ASB3: variants seen among roughly 807,000 people sequenced by gnomAD.
ASB3 encodes ankyrin repeat and SOCS box protein 3.
A neutral mutation model predicts 54.5 loss-of-function variants in ASB3; 41 were observed. That is an observed-to-expected ratio of 0.75 (90% confidence interval 0.59 to 0.98). The LOEUF (loss-of-function observed/expected upper bound fraction) is 0.98. ASB3 is among the 50% of genes least tolerant of loss of function. The pLI is 0.00. For synonymous variants in ASB3, 266 were observed against 221.2 expected, an observed-to-expected ratio of 1.20 and a Z score of -1.80; for missense variants, 733 against 620.0, an observed-to-expected ratio of 1.18 and a Z score of -1.94.
chr2:53,682,877 G>A (rs1466225810), intron 9 of ASB3, among the ~76,000 whole-genome samples: 3 of 152,166 alleles, frequency 2.0e-5, no homozygotes, highest in Non-Finnish European at 4.4e-5. Flanking sequence ...GGTTTTTGGT[G>A]GAGTCTTTAG....
intron 3 of ASB3, among the ~76,000 whole-genome samples, chr2:53,737,746 A>G (rs1671723372): frequency 6.7e-6 from 1 of 149,116 alleles, no homozygotes; most frequent in East Asian, 1.9e-4. Flanking sequence ...AAAAAAAAAG[A>G]CTGCCACAAA....
intron 3 of ASB3, among the ~76,000 whole-genome samples, chr2:53,734,290 A>G (rs1671492170): frequency 6.6e-6 from 1 of 152,100 alleles, no homozygotes; most frequent in Non-Finnish European, 1.5e-5. Context: ...TTCCTTCTCT[A>G]CTGGGCTCCA....
intron 7 of ASB3, among the ~76,000 whole-genome samples, chr2:53,711,866 C>T (rs566033732): frequency 2.0e-5 from 3 of 151,622 alleles, no homozygotes; most frequent in South Asian, 4.2e-4. Flanking sequence ...TGCTTTTGTT[C>T]CTTTGAGAGT....
intron 3 of ASB3, among the ~76,000 whole-genome samples, chr2:53,750,214 A>G (rs1440860850): frequency 6.6e-6 from 1 of 152,154 alleles, no homozygotes; most frequent in East Asian, 1.9e-4. Flanking sequence ...GAAGACAAAT[A>G]GAATCGAATA....
intron 7 of ASB3, among the ~76,000 whole-genome samples, chr2:53,711,077 G>A (rs1277658785): frequency 6.6e-6 from 1 of 152,298 alleles, no homozygotes; most frequent in Non-Finnish European, 1.5e-5. Flanking sequence ...GCTGCAGTGA[G>A]TCATGATCAT....
At chr2:53,694,037 T>C in intron 8 of ASB3, 23 bp from the exon 9 acceptor site, 1 of 1,610,322 alleles carries the variant, frequency 6.2e-7, no homozygotes, top group African/African-American at 1.3e-5. Flanking sequence ...GATGTTAATA[T>C]AATATTAGAA....
chr2:53,781,117 C>CA (rs1674619041), intron 1 of ASB3, among the ~76,000 whole-genome samples: 1 of 151,822 alleles, frequency 6.6e-6, no homozygotes, highest in Admixed American at 6.6e-5. Flanking sequence ...TTAAAAAGAA[C>CA]AAAAAAGGAA....
intron 2 of ASB3, 88 bp downstream of exon 2, chr2:53,765,289 C>G (rs1673375961): frequency 6.5e-7 from 1 of 1,528,018 alleles, no homozygotes; most frequent in African/African-American, 1.4e-5. Flanking sequence ...GAAACAAATA[C>G]TACTGTTAAT....
intron 3 of ASB3, chr2:53,748,185 T>A (rs1182599972): frequency 1.3e-5 from 2 of 152,240 alleles, no homozygotes; most frequent in African/African-American, 4.8e-5. Flanking sequence ...TAAATGTTAT[T>A]GTTACTGTTA....
chr2:53,779,817 T>C (rs1029949012), intron 1 of ASB3, among the ~76,000 whole-genome samples: 1 of 152,240 alleles, frequency 6.6e-6, no homozygotes, highest in Non-Finnish European at 1.5e-5. Flanking sequence ...AAGAGCTCCC[T>C]GAACTACTTC....
At chr2:53,754,289 A>G (rs1018243964) in intron 2 of ASB3, among the ~76,000 whole-genome samples, 8 of 152,200 alleles carry the variant, frequency 5.3e-5, no homozygotes, top group African/African-American at 1.9e-4. Context: ...TCCCATGTAG[A>G]AGAATTCCAA....
At chr2:53,726,449 C>T (rs1019281781) in intron 5 of ASB3, among the ~76,000 whole-genome samples, 2 of 151,032 alleles carry the variant, frequency 1.3e-5, no homozygotes, top group African/African-American at 2.4e-5. Flanking sequence ...TTAATAGAGA[C>T]GGGGTTTCAC....
intron 1 of ASB3, among the ~76,000 whole-genome samples, chr2:53,781,223 C>T (rs1247950182): frequency 6.6e-6 from 1 of 151,940 alleles, no homozygotes; most frequent in South Asian, 2.1e-4. Flanking sequence ...GCCTGGGCAA[C>T]ATGGCAAAAC....
intron 3 of ASB3, among the ~76,000 whole-genome samples, chr2:53,735,510 C>T (rs1430660691): frequency 7.2e-6 from 1 of 138,444 alleles, no homozygotes; most frequent in African/African-American, 2.7e-5. Flanking sequence ...AAGTAGAATA[C>T]ACCATGTTCA....
chr2:53,708,901 A>T (rs1289483622), intron 7 of ASB3, among the ~76,000 whole-genome samples: 1 of 152,226 alleles, frequency 6.6e-6, no homozygotes, highest in East Asian at 1.9e-4. Flanking sequence ...CAAAGACAGG[A>T]CCTAATGTTG....
intron 6 of ASB3, 23 bp from the exon 7 acceptor site, chr2:53,714,604 G>T: frequency 6.2e-7 from 1 of 1,611,022 alleles, no homozygotes; most frequent in Non-Finnish European, 8.5e-7. Flanking sequence ...AAATTCAGGA[G>T]AATTTAGTGT....
In ASB3 at chr2:53,751,060, C is replaced by T. The variant is rs914516420; in HGVS notation, c.197-119G>A. 27 of 1,184,964 alleles carry T rather than the reference C, an allele frequency of 2.3e-5. No individual in the cohort carries two copies. In the Admixed American group the frequency reaches 9.5e-4, roughly 42 times the overall value. The allele number at this position is 1,184,964 out of a possible 1,614,324, so 73.4% of individuals were successfully genotyped here. ...TAAAATGTAAGTAATGTATAAATGACAGGTTTCACCATTTAAAACTATAGA... is the reference window on the plus strand; with the variant it reads ...TAAAATGTAAGTAATGTATAAATGATAGGTTTCACCATTTAAAACTATAGA... On this transcript the variant is annotated intron_variant, in intron 2 of 9. Coordinates refer to ENST00000263634, the MANE Select transcript of ASB3 (RefSeq NM_016115.5).
chr2:53,714,808 G>A (rs927529171), intron 6 of ASB3, among the ~76,000 whole-genome samples: 18 of 151,984 alleles, frequency 1.2e-4, no homozygotes, highest in African/African-American at 4.1e-4. Flanking sequence ...AAATACATTT[G>A]AAACAAAATT....
At chr2:53,743,170 T>C (rs967555877) in intron 3 of ASB3, among the ~76,000 whole-genome samples, 4 of 150,188 alleles carry the variant, frequency 2.7e-5, no homozygotes, top group African/African-American at 9.8e-5. Flanking sequence ...TTACCTTTTT[T>C]TTTTTTTTTT....
Sources: allele counts gnomAD v4.1 joint callset (sites outside exome capture counted in the v4.1 genomes callset), GRCh38; gene constraint gnomAD v4.1.1; transcripts MANE v1.5; gene names NCBI Gene and HGNC (gene_info 2026-07-23, HGNC 2026-07-21).